The following SYT1 variants were observed in gnomAD, a reference collection of about 807,000 sequenced individuals.
SYT1 encodes the protein synaptotagmin 1.
Under a neutral mutation model 44.8 loss-of-function variants are expected in SYT1, and 8 were observed. That is an observed-to-expected ratio of 0.18 (90% CI 0.10 to 0.32). SYT1 has a LOEUF of 0.32. Among genes scored for constraint, SYT1 ranks in the 10% least tolerant of loss-of-function variants. The pLI, the probability that SYT1 is intolerant of heterozygous loss-of-function variation, is 1.00. For missense variants in SYT1, 286 were observed against 509.3 expected (o/e 0.56, Z 4.22); for synonymous variants, 154 against 188.8 (o/e 0.82, Z 1.51).
chr12:78,903,151 T>G (rs916478742), intron 1 of SYT1, among the ~76,000 whole-genome samples: 9 of 152,018 alleles, frequency 5.9e-5, no homozygotes, highest in African/African-American at 2.2e-4. Context: ...TCGTCAAATC[T>G]GAAATTTATC....
At chr12:78,983,758 T>G (rs1222045453) in intron 2 of SYT1, among the ~76,000 whole-genome samples, 2 of 152,044 alleles carry the variant, frequency 1.3e-5, no homozygotes, top group Non-Finnish European at 2.9e-5. Context: ...CATAAAAATT[T>G]CGTGTTTGAA....
intron 2 of SYT1, among the ~76,000 whole-genome samples, chr12:79,002,883 T>C (rs1217216505): frequency 6.6e-6 from 1 of 152,062 alleles, no homozygotes; most frequent in African/African-American, 2.4e-5. Context: ...CAGTATGTCG[T>C]TTCCTTTTAA....
intron 8 of SYT1, among the ~76,000 whole-genome samples, chr12:79,338,348 G>C (rs1209156217): frequency 6.7e-6 from 1 of 149,656 alleles, no homozygotes; most frequent in African/African-American, 2.5e-5. Context: ...ACAAATCATA[G>C]CTCACTGCAG....
At chr12:79,165,179 A>G (rs114095552) in intron 3 of SYT1, among the ~76,000 whole-genome samples, 3,219 of 152,024 alleles carry the variant, frequency 0.021, 116 homozygotes, top group African/African-American at 0.074. Context: ...GCTCTGGGTG[A>G]CATTTTTGCT....
intron 8 of SYT1, among the ~76,000 whole-genome samples, chr12:79,301,894 A>C (rs926616876): frequency 6.6e-5 from 10 of 152,186 alleles, no homozygotes; most frequent in African/African-American, 2.4e-4. Flanking sequence ...TAGGTTATAA[A>C]AAACTGTATA....
intron 4 of SYT1, among the ~76,000 whole-genome samples, chr12:79,257,548 C>A (rs1338810969): frequency 6.6e-6 from 1 of 152,156 alleles, no homozygotes; most frequent in Non-Finnish European, 1.5e-5. Context: ...ACTGCAGTGG[C>A]GCAATCTCTG....
At chr12:79,305,800 G>T (rs973103820) in intron 8 of SYT1, among the ~76,000 whole-genome samples, 1 of 152,156 alleles carries the variant, frequency 6.6e-6, no homozygotes, top group Non-Finnish European at 1.5e-5. Context: ...GGGTTCAAGC[G>T]ATTCTCCTGC....
intron 1 of SYT1, among the ~76,000 whole-genome samples, chr12:78,935,231 T>G (rs865966828): frequency 9.2e-5 from 14 of 152,182 alleles, no homozygotes; most frequent in African/African-American, 2.7e-4. Flanking sequence ...GATTGCATTT[T>G]CCATGAAGGT....
At chr12:78,962,741 T>C (rs1879576927) in intron 1 of SYT1, among the ~76,000 whole-genome samples, 1 of 152,158 alleles carries the variant, frequency 6.6e-6, no homozygotes, top group African/African-American at 2.4e-5. Flanking sequence ...TTGTGTAGCT[T>C]AACTTGTACA....
intron 1 of SYT1, among the ~76,000 whole-genome samples, chr12:78,973,941 ATAT>A (rs1868614650): frequency 2.2e-3 from 24 of 10,708 alleles, no homozygotes; most frequent in East Asian, 8.8e-3. Flanking sequence ...AAAAAAAAAT[ATAT>A]ATATATATAT....
At chr12:79,441,472 G>A (rs1159763575) in intron 9 of SYT1, among the ~76,000 whole-genome samples, 1 of 151,906 alleles carries the variant, frequency 6.6e-6, no homozygotes, top group African/African-American at 2.4e-5. Flanking sequence ...GCACCACCAC[G>A]CCTGGCTAAT....
chr12:79,272,634 T>C (rs1048997415), intron 4 of SYT1, among the ~76,000 whole-genome samples: 4 of 152,032 alleles, frequency 2.6e-5, no homozygotes, highest in African/African-American at 9.7e-5. Context: ...TCCTGGAGTA[T>C]AGAATAGGGA....
chr12:79,329,819 T>C (rs1234267979), intron 8 of SYT1, among the ~76,000 whole-genome samples: 1 of 152,218 alleles, frequency 6.6e-6, no homozygotes, highest in Admixed American at 6.5e-5. Context: ...ACTGTATCCA[T>C]TGACCTTCAG....
chr12:79,408,741 T>C (rs1311108113), intron 9 of SYT1, among the ~76,000 whole-genome samples: 3 of 151,808 alleles, frequency 2.0e-5, no homozygotes, highest in Non-Finnish European at 4.4e-5. Context: ...TTTTTTTTTT[T>C]TTCCAAGTAA....
intron 2 of SYT1, among the ~76,000 whole-genome samples, chr12:79,036,792 C>A (rs1873162948): frequency 1.3e-5 from 2 of 151,648 alleles, no homozygotes; most frequent in South Asian, 4.1e-4. Flanking sequence ...TTATATAATT[C>A]ATATCAGGCT....
At chr12:79,318,325 C>T (rs1881198659) in intron 8 of SYT1, among the ~76,000 whole-genome samples, 1 of 152,190 alleles carries the variant, frequency 6.6e-6, no homozygotes, top group Non-Finnish European at 1.5e-5. Flanking sequence ...TCTCCGGGGC[C>T]TTTTCAATGG....
intron 3 of SYT1, among the ~76,000 whole-genome samples, chr12:79,143,876 C>T (rs766678146): frequency 7.2e-5 from 11 of 151,764 alleles, no homozygotes; most frequent in South Asian, 4.2e-4. Context: ...TTTCTAAAGC[C>T]GAAAGAAAGA....
chr12:78,951,452 A>C (rs1341504465), intron 1 of SYT1, among the ~76,000 whole-genome samples: 1 of 152,158 alleles, frequency 6.6e-6, no homozygotes, highest in African/African-American at 2.4e-5. Context: ...GTCGACTATA[A>C]GGTGAAAATA....
At chr12:79,138,028 A>G (rs759097621) in intron 3 of SYT1, among the ~76,000 whole-genome samples, 2 of 152,202 alleles carry the variant, frequency 1.3e-5, no homozygotes, top group Non-Finnish European at 2.9e-5. Context: ...CCATCACGTC[A>G]TTCAATAATA....
Sources: gnomAD v4.1 joint callset for allele counts (sites outside exome capture counted in the v4.1 genomes callset) on GRCh38, gnomAD v4.1.1 for gene constraint, MANE v1.5 for transcripts, NCBI Gene and HGNC (gene_info 2026-07-23, HGNC 2026-07-21) for gene names.